Variants in BFSP2 observed in about 807,000 individuals in gnomAD.
BFSP2 encodes phakinin.
In BFSP2, 38 loss-of-function variants were observed where a neutral mutation model predicts 44.9. The ratio of observed to expected loss-of-function variants is 0.85; its 90% CI spans 0.65 to 1.11. BFSP2 has a LOEUF of 1.11. Among genes scored for constraint, BFSP2 ranks in the 50% least tolerant of loss-of-function variants. The pLI is 0.00. For missense variants in BFSP2, 525 were observed against 533.0 expected, an observed-to-expected ratio of 0.99 and a Z score of 0.15; for synonymous variants, 197 against 209.9, an observed-to-expected ratio of 0.94 and a Z score of 0.53.
intron 1 of BFSP2, among the ~76,000 whole-genome samples, chr3:133,411,728 A>G (rs1048200520): frequency 1.3e-5 from 2 of 149,924 alleles, no homozygotes; most frequent in African/African-American, 4.9e-5. Flanking sequence ...AGACAACTAG[A>G]CAGTCATAAG....
chr3:133,437,629 AAAAG>A (rs146296916), intron 1 of BFSP2, among the ~76,000 whole-genome samples: 21,711 of 151,706 alleles, frequency 0.14, 1,918 homozygotes, highest in Non-Finnish European at 0.19. Flanking sequence ...AAGAAAGAGA[AAAAG>A]AAAGAAGAGA....
At chr3:133,440,258 G>C (rs1372168969) in intron 1 of BFSP2, among the ~76,000 whole-genome samples, 1 of 151,920 alleles carries the variant, frequency 6.6e-6, no homozygotes. Context: ...CTCCCACCAG[G>C]TCCCTCCCAC....
At chr3:133,442,594 G>A (rs1192160160) in intron 1 of BFSP2, among the ~76,000 whole-genome samples, 1 of 152,208 alleles carries the variant, frequency 6.6e-6, no homozygotes, top group Non-Finnish European at 1.5e-5. Context: ...ATATTACAAT[G>A]GGATATTATA....
At chr3:133,415,750 C>T (rs1444086136) in intron 1 of BFSP2, among the ~76,000 whole-genome samples, 1 of 143,620 alleles carries the variant, frequency 7.0e-6, no homozygotes, top group African/African-American at 2.6e-5. Context: ...TGCCATCTCC[C>T]CTCTATTCAT....
intron 2 of BFSP2, 45 bp downstream of exon 2, chr3:133,447,444 C>G: frequency 6.4e-7 from 1 of 1,574,658 alleles, no homozygotes; most frequent in Non-Finnish European, 8.7e-7. Context: ...CATCCCTAGA[C>G]TCCTAGGCAA....
chr3:133,445,876 A>C (rs2073891959), intron 1 of BFSP2, among the ~76,000 whole-genome samples: 1 of 152,058 alleles, frequency 6.6e-6, no homozygotes, highest in Admixed American at 6.5e-5. Flanking sequence ...TATAAGCTTT[A>C]ATTTTGGAGG....
rs565022066 is a variant in BFSP2, at chr3:133,458,473, C to A, written c.891+8009C>A. On this transcript the variant is annotated intron_variant, in intron 4 of 6. Coordinates refer to ENST00000302334, the MANE Select transcript of BFSP2 (RefSeq NM_003571.4). ...CTTTGGGAAGCCAAGGCAGGCAGAT[C>A]ACTTGAGGTCAGGAGTTCAAGACCA... is the stretch of plus-strand genomic sequence containing the variant. Among the ~76,000 whole-genome samples the A allele has an allele frequency of 9.9e-5, 15 of 152,284 alleles. No individual in the cohort carries two copies. The South Asian group carries it at 2.7e-3, about 27-fold the overall frequency.
At chr3:133,425,224 A>G (rs2073632700) in intron 1 of BFSP2, among the ~76,000 whole-genome samples, 2 of 152,246 alleles carry the variant, frequency 1.3e-5, no homozygotes, top group Admixed American at 1.3e-4. Flanking sequence ...GCACTATGGG[A>G]GTTCAAATAT....
chr3:133,407,372 T>C (rs1383034617), intron 1 of BFSP2, among the ~76,000 whole-genome samples: 2 of 152,168 alleles, frequency 1.3e-5, no homozygotes, highest in Non-Finnish European at 2.9e-5. Context: ...ACACACAAAA[T>C]AGTCTTGAAC....
At chr3:133,408,185 T>C (rs2073419710) in intron 1 of BFSP2, among the ~76,000 whole-genome samples, 3 of 152,316 alleles carry the variant, frequency 2.0e-5, no homozygotes, top group Admixed American at 2.0e-4. Context: ...AAAAAGCCGA[T>C]AGCACTCTTT....
intron 1 of BFSP2, among the ~76,000 whole-genome samples, chr3:133,415,484 A>C (rs1198883609): frequency 6.7e-4 from 28 of 41,938 alleles, no homozygotes; most frequent in Non-Finnish European, 8.0e-4. Context: ...ACTCACCCCT[A>C]TAGTCACCCC....
chr3:133,453,774 A>G (rs543507140), intron 4 of BFSP2, among the ~76,000 whole-genome samples: 3 of 152,350 alleles, frequency 2.0e-5, no homozygotes, highest in South Asian at 4.1e-4. Flanking sequence ...CCTAAGGGAT[A>G]AAGGTGGTAC....
intron 4 of BFSP2, among the ~76,000 whole-genome samples, chr3:133,466,556 A>T (rs1284015850): frequency 4.6e-5 from 7 of 151,010 alleles, no homozygotes; most frequent in Non-Finnish European, 1.0e-4. Flanking sequence ...GGTGGCGGGT[A>T]CCTGTAATCC....
At chr3:133,445,401 C>T (rs903974228) in intron 1 of BFSP2, 1 of 152,136 alleles carries the variant, frequency 6.6e-6, no homozygotes, top group South Asian at 2.1e-4. Context: ...TTGTTGGGAC[C>T]CACCTGCAGA....
rs1202907650 is a variant in BFSP2 at position 133,400,166 on chromosome 3, G to T, written c.83G>T (p.Arg28Met). The change falls in exon 1 of 7, where the codon AGG becomes ATG. Residue 28 changes from arginine to methionine, a missense_variant. Arg to Met is a moderately conservative substitution (Grantham distance 91). Transcript: ENST00000302334. This position sits in a 1 kb window ranked among gnomAD's most constrained non-coding sequence, Gnocchi z 4.0. ...MPLQRRRASF[R>M]GPRSSSSLES... Reference sequence around the variant, plus strand: ...CTCCAGAGGCGCAGGGCGTCCTTCAGGGGGCCACGGTCATCATCCTCCCTG... The same window carrying T: ...CTCCAGAGGCGCAGGGCGTCCTTCATGGGGCCACGGTCATCATCCTCCCTG... The T allele has an allele frequency of 1.9e-6, 3 of 1,614,012 alleles. No homozygotes were observed. The highest frequency in any genetic ancestry group is 1.3e-5 in the African/African-American group (1 of 74,936).
chr3:133,439,293 C>T (rs1235379101), intron 1 of BFSP2, among the ~76,000 whole-genome samples: 1 of 152,184 alleles, frequency 6.6e-6, no homozygotes, highest in Non-Finnish European at 1.5e-5. Flanking sequence ...CTATTTTCTG[C>T]CTTATGTGTT....
intron 4 of BFSP2, among the ~76,000 whole-genome samples, chr3:133,453,412 C>T (rs953647591): frequency 6.6e-6 from 1 of 152,192 alleles, no homozygotes; most frequent in Non-Finnish European, 1.5e-5. Flanking sequence ...TAGGTTCCTT[C>T]AGAAGCAGAT....
At chr3:133,425,499 G>A (rs552450947) in intron 1 of BFSP2, among the ~76,000 whole-genome samples, 45 of 152,292 alleles carry the variant, frequency 3.0e-4, no homozygotes, top group Non-Finnish European at 3.1e-4. Flanking sequence ...AACATGGAGG[G>A]TCCCATGATT....
intron 5 of BFSP2, among the ~76,000 whole-genome samples, chr3:133,471,693 C>T (rs951931852): frequency 5.3e-5 from 8 of 152,058 alleles, no homozygotes; most frequent in Non-Finnish European, 8.8e-5. Flanking sequence ...GGATGCGCTC[C>T]TTGGAAAAAA....
Sources: allele counts gnomAD v4.1 joint callset (sites outside exome capture counted in the v4.1 genomes callset), GRCh38; gene constraint gnomAD v4.1.1; non-coding constraint Gnocchi (gnomAD v3.1); transcripts MANE v1.5; gene names NCBI Gene and HGNC (gene_info 2026-07-23, HGNC 2026-07-21).